Variants in POFUT3 observed in about 807,000 individuals in gnomAD.
POFUT3 encodes the protein GDP-fucose protein O-fucosyltransferase 3.
the POFUT3 span, among the ~76,000 whole-genome samples, chr8:33,392,477 G>A: frequency 4.6e-5 from 7 of 151,924 alleles, no homozygotes; most frequent in African/African-American, 1.7e-4. Context: ...TACTCGGGAG[G>A]CTGAGGCAGA....
chr8:33,422,499 C>G, the POFUT3 span, among the ~76,000 whole-genome samples: 1 of 126,286 alleles, frequency 7.9e-6, no homozygotes, highest in Non-Finnish European at 1.6e-5. Flanking sequence ...GAGCTGAGAT[C>G]GTGCCATTGC....
At chr8:33,465,419 C>CAT in the POFUT3 span, among the ~76,000 whole-genome samples, 7 of 115,422 alleles carry the variant, frequency 6.1e-5, no homozygotes, top group Admixed American at 1.8e-4. Context: ...CACATACATA[C>CAT]ATATATATAT....
chr8:33,458,219 C>G, the POFUT3 span, among the ~76,000 whole-genome samples: 1 of 151,808 alleles, frequency 6.6e-6, no homozygotes. Context: ...AAGAAAGAAC[C>G]CTGCTGACAC....
At chr8:33,439,466 A>T in the POFUT3 span, among the ~76,000 whole-genome samples, 2 of 152,206 alleles carry the variant, frequency 1.3e-5, no homozygotes, top group African/African-American at 4.8e-5. Context: ...TCCGTGGGAA[A>T]GTCAGAGGTA....
At chr8:33,394,993 C>T in the POFUT3 span, among the ~76,000 whole-genome samples, 2 of 152,198 alleles carry the variant, frequency 1.3e-5, no homozygotes, top group African/African-American at 4.8e-5. Context: ...CATGTCCAAC[C>T]TTCTATGCTA....
At chr8:33,318,487 T>A in the POFUT3 span, among the ~76,000 whole-genome samples, 4 of 127,386 alleles carry the variant, frequency 3.1e-5, no homozygotes, top group Non-Finnish European at 6.3e-5. Context: ...TAATATATAA[T>A]GTACATATAT....
At chr8:33,439,426 T>C in the POFUT3 span, among the ~76,000 whole-genome samples, 1 of 151,912 alleles carries the variant, frequency 6.6e-6, no homozygotes, top group Non-Finnish European at 1.5e-5. Flanking sequence ...AGAAACTGTG[T>C]GGTTTCCATG....
the POFUT3 span, among the ~76,000 whole-genome samples, chr8:33,326,822 G>A: frequency 6.6e-6 from 1 of 152,232 alleles, no homozygotes; most frequent in Non-Finnish European, 1.5e-5. Context: ...CTGTGACCCA[G>A]GGTGGAGTAT....
chr8:33,330,142 G>A, the POFUT3 span, among the ~76,000 whole-genome samples: 3 of 152,080 alleles, frequency 2.0e-5, no homozygotes, highest in African/African-American at 7.2e-5. Context: ...GGTTGACAAA[G>A]ATAAATATAA....
the POFUT3 span, among the ~76,000 whole-genome samples, chr8:33,434,917 T>C: frequency 2.0e-5 from 3 of 152,216 alleles, no homozygotes; most frequent in African/African-American, 7.2e-5. Context: ...GCAGGTGCAC[T>C]GGCTCACTGG....
the POFUT3 span, among the ~76,000 whole-genome samples, chr8:33,357,972 C>A: frequency 1.6e-4 from 25 of 152,182 alleles, no homozygotes; most frequent in Non-Finnish European, 3.5e-4. Flanking sequence ...CAAGGCTGGG[C>A]ACAGTGGCTC....
the POFUT3 span, among the ~76,000 whole-genome samples, chr8:33,334,153 C>T: frequency 2.6e-5 from 4 of 152,132 alleles, no homozygotes; most frequent in Non-Finnish European, 4.4e-5. Context: ...GGGTCCCATA[C>T]ACTAGTGCTT....
the POFUT3 span, among the ~76,000 whole-genome samples, chr8:33,425,101 C>G: frequency 6.6e-6 from 1 of 152,006 alleles, no homozygotes; most frequent in Non-Finnish European, 1.5e-5. Context: ...TTTGGGAGGT[C>G]CAGAAGGAAG....
chr8:33,461,187 AAGGAAGGG>A, the POFUT3 span, among the ~76,000 whole-genome samples: 1,021 of 113,894 alleles, frequency 9.0e-3, 3 homozygotes, highest in East Asian at 0.029. Flanking sequence ...GGAAGGAAGG[AAGGAAGGG>A]AGGGAGGGAG....
At chr8:33,355,085 C>T in the POFUT3 span, among the ~76,000 whole-genome samples, 1 of 152,190 alleles carries the variant, frequency 6.6e-6, no homozygotes, top group Non-Finnish European at 1.5e-5. Flanking sequence ...TACAATGGCA[C>T]CCTGCAAACA....
the POFUT3 span, among the ~76,000 whole-genome samples, chr8:33,316,865 T>G: frequency 1.3e-5 from 2 of 152,138 alleles, no homozygotes; most frequent in Admixed American, 1.3e-4. Flanking sequence ...CACCACTTCC[T>G]TCCCATGATC....
At chr8:33,435,935 A>G in the POFUT3 span, among the ~76,000 whole-genome samples, 5 of 152,030 alleles carry the variant, frequency 3.3e-5, no homozygotes, top group Non-Finnish European at 7.4e-5. Context: ...CCAAAAAAAG[A>G]CCCAGGGGCA....
the POFUT3 span, among the ~76,000 whole-genome samples, chr8:33,467,818 T>G: frequency 6.6e-6 from 1 of 152,206 alleles, no homozygotes; most frequent in Non-Finnish European, 1.5e-5. Context: ...AGCTTCAAAT[T>G]TTGGCCATTC....
chr8:33,424,079 C>A, the POFUT3 span, among the ~76,000 whole-genome samples: 1,393 of 151,168 alleles, frequency 9.2e-3, 31 homozygotes, highest in East Asian at 0.11. Flanking sequence ...GCGGAGGTTG[C>A]AGTGAGCCAA....
Sources: allele counts gnomAD v4.1 joint callset (sites outside exome capture counted in the v4.1 genomes callset), GRCh38; gene constraint gnomAD v4.1.1; transcripts MANE v1.5; gene names NCBI Gene and HGNC (gene_info 2026-07-23, HGNC 2026-07-21).